ZCCHC4: variants seen among roughly 807,000 people sequenced by gnomAD.
The protein encoded by ZCCHC4 is rRNA N(6)-adenosine-methyltransferase ZCCHC4.
ZCCHC4 carries 54 observed loss-of-function variants against 67.7 expected under a neutral mutation model. That is an observed-to-expected ratio of 0.80 (90% confidence interval 0.64 to 1.00). ZCCHC4 has a LOEUF of 1.00. Among genes scored for constraint, ZCCHC4 ranks in the 50% least tolerant of loss-of-function variants. ZCCHC4 has a pLI of 0.00. For missense variants in ZCCHC4, 609 were observed against 617.0 expected, an observed-to-expected ratio of 0.99 and a Z score of 0.14; for synonymous variants, 198 against 213.5, an observed-to-expected ratio of 0.93 and a Z score of 0.63.
At chr4:25,341,546 G>T (rs1022767201) in intron 5 of ZCCHC4, among the ~76,000 whole-genome samples, 2 of 152,122 alleles carry the variant, frequency 1.3e-5, no homozygotes, top group Non-Finnish European at 2.9e-5. Context: ...CTCACCAGAA[G>T]CCCAGCAGAT....
chr4:25,363,847 G>A (rs1421840650), intron 10 of ZCCHC4, among the ~76,000 whole-genome samples: 1 of 152,152 alleles, frequency 6.6e-6, no homozygotes, highest in Non-Finnish European at 1.5e-5. Flanking sequence ...AAACTAAAGA[G>A]GTGTTATTTG....
intron 3 of ZCCHC4, among the ~76,000 whole-genome samples, chr4:25,318,402 G>A (rs2109048258): frequency 8.1e-6 from 1 of 123,808 alleles, no homozygotes; most frequent in South Asian, 2.6e-4. Flanking sequence ...TGTCGCCCAG[G>A]CTAGAGGGCA....
At position 25,364,776 on chromosome 4, in the gene ZCCHC4, A is replaced by G. The variant is rs146770753; in HGVS notation, c.1262-246A>G. On this transcript the variant is annotated intron_variant, in intron 11 of 12. Coordinates refer to ENST00000302874, the MANE Select transcript of ZCCHC4 (RefSeq NM_024936.3). ...TCACTCAGCCAGCCTCCATTGTAAC[A>G]GTAGCTGTCAGCTCATAACTCATTG... 3.6e-4 allele frequency among the ~76,000 whole-genome samples: 55 copies of G among 152,330 alleles called. No homozygotes were observed. The East Asian group carries it at 0.01, about 29-fold the overall frequency.
intron 3 of ZCCHC4, among the ~76,000 whole-genome samples, chr4:25,320,173 TGAG>T (rs986326761): frequency 1.3e-5 from 2 of 152,166 alleles, no homozygotes; most frequent in African/African-American, 4.8e-5. Context: ...ATTTTGTGCC[TGAG>T]ATTTGCTTTT....
intron 8 of ZCCHC4, chr4:25,352,096 C>A: frequency 1.0e-6 from 1 of 988,742 alleles, no homozygotes; most frequent in Non-Finnish European, 1.2e-6. Context: ...AGTAAATCAC[C>A]TTTGTGGTTG....
intron 5 of ZCCHC4, among the ~76,000 whole-genome samples, chr4:25,341,115 A>G (rs915657327): frequency 6.6e-6 from 1 of 152,194 alleles, no homozygotes; most frequent in East Asian, 1.9e-4. Context: ...GACTTTCTTA[A>G]TAACATTTTC....
At chr4:25,330,239 C>T (rs1337419806) in intron 3 of ZCCHC4, among the ~76,000 whole-genome samples, 1 of 152,152 alleles carries the variant, frequency 6.6e-6, no homozygotes, top group Non-Finnish European at 1.5e-5. Context: ...GATCCACTGA[C>T]CTCAGCCTCA....
rs1402067952 is a variant in ZCCHC4, at chr4:25,312,852, G to T, written c.43G>T (p.Gly15Cys). Reference protein sequence around the residue: ...RNGFEAVEAEGSAGCRGSSGM... With the variant: ...RNGFEAVEAECSAGCRGSSGM... The stretch of plus-strand genomic sequence containing the variant: ...TGGGTTTGAAGCCGTGGAGGCAGAG[G>T]GCAGCGCAGGGTGCCGGGGAAGCTC... The change falls in exon 1 of 13, where the codon GGC becomes TGC. Residue 15 changes from glycine (G) to cysteine (C), a missense_variant. Transcript: ENST00000302874. The T allele has an allele frequency of 1.2e-6, 2 of 1,613,258 alleles. No individual in the cohort carries two copies. The highest frequency in any genetic ancestry group is 8.5e-7 in the Non-Finnish European group (1 of 1,180,036).
chr4:25,350,568 AT>A (rs1371803363), intron 7 of ZCCHC4, among the ~76,000 whole-genome samples: 3 of 152,068 alleles, frequency 2.0e-5, no homozygotes, highest in Non-Finnish European at 4.4e-5. Flanking sequence ...ACTTCAAAGT[AT>A]TTTATATAAT....
At chr4:25,345,313 TTA>T (rs1418177675) in intron 5 of ZCCHC4, among the ~76,000 whole-genome samples, 2 of 152,226 alleles carry the variant, frequency 1.3e-5, no homozygotes, top group African/African-American at 4.8e-5. Flanking sequence ...CATGTGTGTT[TTA>T]TATATGAGTA....
intron 10 of ZCCHC4, among the ~76,000 whole-genome samples, chr4:25,362,677 C>T (rs1478937560): frequency 1.3e-5 from 2 of 152,182 alleles, no homozygotes; most frequent in Non-Finnish European, 2.9e-5. Context: ...ATAACATGTA[C>T]TGTGCACTTT....
At chr4:25,334,110 T>C in intron 5 of ZCCHC4, 122 bp downstream of exon 5, 1 of 560,736 alleles carries the variant, frequency 1.8e-6, no homozygotes, top group South Asian at 5.0e-5. Context: ...TAGTAATTTG[T>C]TATGAGGAAA....
intron 1 of ZCCHC4, 28 bp downstream of exon 1, chr4:25,312,964 C>G (rs764681587): frequency 2.5e-6 from 4 of 1,607,742 alleles, no homozygotes; most frequent in Admixed American, 1.7e-5. Context: ...CTCAGCCTAA[C>G]TGCCGGGCGC....
intron 3 of ZCCHC4, among the ~76,000 whole-genome samples, chr4:25,324,698 C>G (rs1001174838): frequency 6.6e-6 from 1 of 152,162 alleles, no homozygotes; most frequent in Non-Finnish European, 1.5e-5. Flanking sequence ...AGATTTTTTT[C>G]CTGTCTCCTA....
At chr4:25,364,798 A>G (rs1720878595) in intron 11 of ZCCHC4, among the ~76,000 whole-genome samples, 1 of 152,132 alleles carries the variant, frequency 6.6e-6, no homozygotes, top group African/African-American at 2.4e-5. Flanking sequence ...CTCATAACTC[A>G]TTGGAGAAGG....
intron 4 of ZCCHC4, 76 bp from the exon 5 acceptor site, chr4:25,333,832 G>T (rs1442312458): frequency 5.0e-6 from 5 of 996,272 alleles, no homozygotes; most frequent in African/African-American, 3.3e-5. Flanking sequence ...GAACATTGAT[G>T]GTTTTGTTGT....
chr4:25,333,471 A>AT lies in ZCCHC4; in HGVS notation c.605+19dup, dbSNP rs1399114744. The AT allele has an allele frequency of 1.6e-5, 25 of 1,611,912 alleles. 1 individual carries two copies. In the East Asian group the frequency reaches 3.6e-4, roughly 23 times the overall value. ...TTGGAACACCAAGGTATGTCATGTG[A>AT]TTTTTTAAAGAATTATCTTCTCACC... On this transcript the variant is annotated intron_variant, in intron 4 of 12. Transcript: ENST00000302874.
At chr4:25,352,366 A>T (rs1002383440) in intron 8 of ZCCHC4, 4 of 983,846 alleles carry the variant, frequency 4.1e-6, no homozygotes, top group Non-Finnish European at 4.8e-6. Context: ...TTTGAAGTTA[A>T]CCCTGTTGTC....
At chr4:25,368,661 C>T (rs191309773) in intron 12 of ZCCHC4, among the ~76,000 whole-genome samples, 11 of 152,178 alleles carry the variant, frequency 7.2e-5, no homozygotes, top group South Asian at 2.1e-4. Flanking sequence ...CCAAAAAAAA[C>T]GGAATTCAAG....
Sources: allele counts gnomAD v4.1 joint callset (sites outside exome capture counted in the v4.1 genomes callset), GRCh38; gene constraint gnomAD v4.1.1; transcripts MANE v1.5; gene names NCBI Gene and HGNC (gene_info 2026-07-23, HGNC 2026-07-21).